TMEM132D: variants seen among roughly 807,000 people sequenced by gnomAD.
TMEM132D encodes transmembrane protein 132D, also known as mature OL transmembrane protein.
TMEM132D carries 21 observed loss-of-function variants against 62.3 expected under a neutral mutation model. That is an observed-to-expected ratio of 0.34 (90% confidence interval 0.24 to 0.49). TMEM132D has a LOEUF of 0.49. Among genes scored for constraint, TMEM132D ranks in the 20% least tolerant of loss-of-function variants. TMEM132D has a pLI of 0.99. For missense variants in TMEM132D, 1,346 were observed against 1,402.8 expected (o/e 0.96, Z 0.65); for synonymous variants, 621 against 575.6 (o/e 1.08, Z -1.13).
At position 129,103,667 on chromosome 12, in the gene TMEM132D, G is replaced by A. The variant is rs1321362932; in HGVS notation, c.1444-18965C>T. On this transcript the variant is annotated intron_variant, in intron 5 of 8. Transcript: ENST00000422113. Reference sequence around the variant, plus strand: ...TAAAGTGCTGGGATTACAGGCGTGAGCCACCACGCCTGGCCTAGGTAACCA... The same window carrying A: ...TAAAGTGCTGGGATTACAGGCGTGAACCACCACGCCTGGCCTAGGTAACCA... Among the ~76,000 whole-genome samples the A allele has an allele frequency of 2.0e-5, 3 of 152,198 alleles. No individual in the cohort carries two copies. In the East Asian group the frequency reaches 5.8e-4, roughly 29 times the overall value.
chr12:129,422,807 T>A (rs1872367514), intron 3 of TMEM132D, among the ~76,000 whole-genome samples: 1 of 151,550 alleles, frequency 6.6e-6, no homozygotes, highest in African/African-American at 2.4e-5. Flanking sequence ...TATGATAAAA[T>A]GATTCTGTTT....
At chr12:129,815,737 G>T (rs1872325806) in intron 1 of TMEM132D, among the ~76,000 whole-genome samples, 1 of 152,144 alleles carries the variant, frequency 6.6e-6, no homozygotes, top group Non-Finnish European at 1.5e-5. Context: ...CAAGTGATGA[G>T]ATTTCAAGTA....
At chr12:129,293,073 G>A (rs1881489112) in intron 4 of TMEM132D, among the ~76,000 whole-genome samples, 1 of 152,178 alleles carries the variant, frequency 6.6e-6, no homozygotes, top group Non-Finnish European at 1.5e-5. Flanking sequence ...GGTATCCAGA[G>A]AGAGAAATTG....
In TMEM132D at chr12:129,708,633, ACACACACAC is replaced by A. The variant is rs1565957215; in HGVS notation, c.80-7944_80-7936del. Among the ~76,000 whole-genome samples the A allele has an allele frequency of 5.8e-3, 507 of 87,062 alleles. 26 individuals are homozygous for A. Among genetic ancestry groups the A allele is most frequent in the African/African-American group, 0.023 (484 of 21,044 alleles). 57.1% of individuals were successfully genotyped at this position (87,062 alleles called of 152,430 possible). On this transcript the variant is annotated intron_variant, in intron 1 of 8. Coordinates refer to ENST00000422113, the MANE Select transcript of TMEM132D (RefSeq NM_133448.3). The stretch of plus-strand genomic sequence containing the variant: ...GGTAAAAAAAAAAAAAAAAAAAAAC[ACACACACAC>A]ACACACACACACACAGTGCACTCAT...
chr12:129,877,609 G>GCACA (rs1447508887), intron 1 of TMEM132D, among the ~76,000 whole-genome samples: 108 of 94,138 alleles, frequency 1.1e-3, no homozygotes, highest in African/African-American at 3.6e-3. Context: ...AAACGCGCGC[G>GCACA]CGCGCACACA....
At chr12:129,364,763 T>A (rs570276452) in intron 3 of TMEM132D, among the ~76,000 whole-genome samples, 1 of 152,298 alleles carries the variant, frequency 6.6e-6, no homozygotes, top group African/African-American at 2.4e-5. Context: ...GCTGCTGGAA[T>A]GACCACAATC....
At chr12:129,452,529 G>T (rs1873327243) in intron 3 of TMEM132D, among the ~76,000 whole-genome samples, 1 of 152,142 alleles carries the variant, frequency 6.6e-6, no homozygotes, top group Admixed American at 6.5e-5. Flanking sequence ...TACAACTGAG[G>T]GTCCCTGTCA....
intron 1 of TMEM132D, among the ~76,000 whole-genome samples, chr12:129,866,332 C>T (rs1046397967): frequency 1.3e-5 from 2 of 151,636 alleles, no homozygotes; most frequent in African/African-American, 4.9e-5. Flanking sequence ...TCTCAGCAAA[C>T]TATCGCAAGG....
intron 5 of TMEM132D, among the ~76,000 whole-genome samples, chr12:129,192,821 GGTTCAAATC>G (rs1878441449): frequency 6.6e-6 from 1 of 152,104 alleles, no homozygotes; most frequent in Non-Finnish European, 1.5e-5. Context: ...CACCAAAGGA[GGTTCAAATC>G]CTAAATCACT....
chr12:129,331,325 T>C (rs1869098254), intron 4 of TMEM132D, among the ~76,000 whole-genome samples: 1 of 152,224 alleles, frequency 6.6e-6, no homozygotes, highest in Non-Finnish European at 1.5e-5. Context: ...TGTATCCTTA[T>C]GCCATTGTGA....
intron 1 of TMEM132D, among the ~76,000 whole-genome samples, chr12:129,703,908 C>T (rs1310936512): frequency 3.1e-5 from 4 of 130,014 alleles, no homozygotes; most frequent in Admixed American, 8.9e-5. Flanking sequence ...AATAACTAAT[C>T]GAATACGGTA....
At chr12:129,389,079 C>T (rs913436258) in intron 3 of TMEM132D, among the ~76,000 whole-genome samples, 2 of 116,774 alleles carry the variant, frequency 1.7e-5, no homozygotes, top group African/African-American at 3.0e-5. Context: ...ACACTAACAC[C>T]GACACCAATG....
intron 2 of TMEM132D, among the ~76,000 whole-genome samples, chr12:129,628,943 CTCTT>C (rs1330587363): frequency 4.0e-5 from 6 of 151,436 alleles, no homozygotes; most frequent in Admixed American, 3.3e-4. Flanking sequence ...TCTCTCTCCT[CTCTT>C]TCTCTCTCAT....
intron 1 of TMEM132D, among the ~76,000 whole-genome samples, chr12:129,760,793 C>T (rs1263107494): frequency 1.3e-5 from 2 of 151,938 alleles, no homozygotes; most frequent in Non-Finnish European, 2.9e-5. Context: ...GGAATTTGTC[C>T]TAATGCTCTC....
intron 1 of TMEM132D, among the ~76,000 whole-genome samples, chr12:129,716,747 G>T (rs990147577): frequency 2.0e-5 from 3 of 152,182 alleles, no homozygotes; most frequent in African/African-American, 7.2e-5. Flanking sequence ...GTGCTTAAGA[G>T]TGGAAGAGGG....
At chr12:129,461,393 A>G (rs774184650) in intron 3 of TMEM132D, among the ~76,000 whole-genome samples, 3 of 152,162 alleles carry the variant, frequency 2.0e-5, no homozygotes, top group Non-Finnish European at 2.9e-5. Flanking sequence ...CCAGACGGAA[A>G]GGCTCTGCTA....
At chr12:129,775,853 C>G (rs1463241448) in intron 1 of TMEM132D, among the ~76,000 whole-genome samples, 1 of 152,146 alleles carries the variant, frequency 6.6e-6, no homozygotes, top group African/African-American at 2.4e-5. Flanking sequence ...ATATAATTAT[C>G]TATTCATTGA....
intron 1 of TMEM132D, among the ~76,000 whole-genome samples, chr12:129,800,855 C>A (rs574165747): frequency 6.6e-6 from 1 of 152,218 alleles, no homozygotes; most frequent in South Asian, 2.1e-4. Flanking sequence ...TCAGTGGGTG[C>A]GCGCACCGTG....
intron 5 of TMEM132D, 75 bp downstream of exon 5, chr12:129,209,445 G>C (rs1878958748): frequency 3.2e-6 from 5 of 1,578,758 alleles, no homozygotes; most frequent in Non-Finnish European, 4.3e-6. Context: ...GGTCCCAGAG[G>C]TCCCAAGCTG....
Sources: allele counts gnomAD v4.1 joint callset (sites outside exome capture counted in the v4.1 genomes callset), GRCh38; gene constraint gnomAD v4.1.1; transcripts MANE v1.5; gene names NCBI Gene and HGNC (gene_info 2026-07-23, HGNC 2026-07-21).